The following ZNF525 variants were observed in gnomAD, a reference collection of about 807,000 sequenced individuals.
The protein encoded by ZNF525 is zinc finger protein 525.
Under a neutral mutation model 37.6 loss-of-function variants are expected in ZNF525, and 33 were observed. The observed-to-expected ratio is 0.88, with a 90% CI of 0.67 to 1.17. The LOEUF (loss-of-function observed/expected upper bound fraction) is 1.17. ZNF525 is among the 50% of genes most tolerant of loss of function. ZNF525 has a pLI of 0.00. For synonymous variants in ZNF525, 170 were observed against 182.3 expected (o/e 0.93, Z 0.54); for missense variants, 449 against 543.1 (o/e 0.83, Z 1.72).
In ZNF525 at chr19:53,383,654, C is replaced by T. The variant is rs1347179816; in HGVS notation, c.*1635C>T. ...CCGTAGTGTAGGGAAACTTGACTAA[C>T]GTAATGATTCTCACAACGTCTTCAG... On this transcript the variant is annotated 3_prime_UTR_variant, in exon 4 of 4. Transcript: ENST00000474037. The T allele has an allele frequency of 3.8e-5, 35 of 916,080 alleles. No individual in the cohort carries two copies. Among genetic ancestry groups the T allele is most frequent in the South Asian group, 1.8e-4 (12 of 65,960 alleles). The allele number at this position is 916,080 out of a possible 1,614,324, so 56.7% of individuals were successfully genotyped here.
rs11878896 is a variant in ZNF525, at chr19:53,366,220, C to T, written c.-68+461C>T. Among the ~76,000 whole-genome samples, 524 of 115,440 alleles carry T rather than the reference C, an allele frequency of 4.5e-3. 36 individuals are homozygous for T. Among genetic ancestry groups the T allele is most frequent in the African/African-American group, 0.012 (494 of 40,218 alleles). The allele number at this position is 115,440 out of a possible 152,430, so 75.7% of individuals were successfully genotyped here. A position where few individuals can be genotyped will look rare whatever the true frequency, so the allele number is the denominator to read the frequency against. ...TTAAGGCGCCGTCGCCCCCCACGTC[C>T]CTCCTCATGCCGGGCCCTGCTGCTC... On this transcript the variant is annotated intron_variant, in intron 1 of 3. Coordinates refer to ENST00000474037, the MANE Select transcript of ZNF525 (RefSeq NM_001348156.2).
intron 2 of ZNF525, among the ~76,000 whole-genome samples, chr19:53,372,894 AT>A (rs1373933034): frequency 2.0e-5 from 3 of 152,108 alleles, no homozygotes; most frequent in African/African-American, 7.2e-5. Context: ...ATAGCAGGAG[AT>A]TCATTAATCC....
chr19:53,386,281 CAA>C lies in ZNF525; in HGVS notation c.*4265_*4266del. On this transcript the variant is annotated 3_prime_UTR_variant, in exon 4 of 4. Transcript: ENST00000474037. ...GATTAAGCGATTCCTGGCCAAGAAA[CAA>C]AAGCAAAACCATCCCACTCCCCTGT... The C allele has an allele frequency of 1.4e-6, 1 of 690,014 alleles. No homozygotes were observed. The highest frequency in any genetic ancestry group is 1.4e-5 in the South Asian group (1 of 73,946). 42.7% of individuals were successfully genotyped at this position (690,014 alleles called of 1,614,324 possible).
At chr19:53,375,120 T>C (rs2085512399) in intron 2 of ZNF525, among the ~76,000 whole-genome samples, 1 of 152,016 alleles carries the variant, frequency 6.6e-6, no homozygotes. Flanking sequence ...TTCTGCCTAC[T>C]GGGATCAAGC....
Position 53,383,053 on chromosome 19 carries a change from T to C in ZNF525, c.*1034T>C. The C allele has an allele frequency of 6.9e-7, 1 of 1,442,268 alleles. No individual in the cohort carries two copies. The highest frequency in any genetic ancestry group is 9.7e-7 in the Non-Finnish European group (1 of 1,034,120). 89.3% of individuals were successfully genotyped at this position (1,442,268 alleles called of 1,614,324 possible). On this transcript the variant is annotated 3_prime_UTR_variant, in exon 4 of 4. Coordinates refer to ENST00000474037, the MANE Select transcript of ZNF525 (RefSeq NM_001348156.2). ...TTGCATGTCATCATAGACTTCATACTGGAGAGAACGCTTGCAAGTGTAATA... is the reference window on the plus strand; with the variant it reads ...TTGCATGTCATCATAGACTTCATACCGGAGAGAACGCTTGCAAGTGTAATA...
At chr19:53,366,307 T>G (rs79743466) in intron 1 of ZNF525, among the ~76,000 whole-genome samples, 3,816 of 78,400 alleles carry the variant, frequency 0.049, 403 homozygotes, top group Non-Finnish European at 0.092. Flanking sequence ...GGTGCCCGGG[T>G]TCTGTCCTGT....
At chr19:53,366,195 T>C (rs77747485) in intron 1 of ZNF525, among the ~76,000 whole-genome samples, 20,245 of 96,036 alleles carry the variant, frequency 0.21, 3,823 homozygotes, top group Non-Finnish European at 0.35. Flanking sequence ...CACCCTTGTC[T>C]TAAGGCGCCG....
In ZNF525 at chr19:53,382,823, G is replaced by A. The variant is rs2085576958; in HGVS notation, c.*804G>A. 1.5e-5 allele frequency: 18 copies of A among 1,231,142 alleles called. No individual in the cohort carries two copies. The South Asian group carries it at 2.2e-4, about 15-fold the overall frequency. The allele number at this position is 1,231,142 out of a possible 1,614,324, so 76.3% of individuals were successfully genotyped here. ...TGCTGGAGAGAAACCTTACAAATGT[G>A]AAGAATGTGATAAAGCTTTCAGATT... is the stretch of plus-strand genomic sequence containing the variant. On this transcript the variant is annotated 3_prime_UTR_variant, in exon 4 of 4. Transcript: ENST00000474037.
chr19:53,386,387 A>G lies in ZNF525; in HGVS notation c.*4368A>G. The G allele has an allele frequency of 2.3e-6, 2 of 864,496 alleles. No homozygotes were observed. Among genetic ancestry groups the G allele is most frequent in the Non-Finnish European group, 3.8e-6 (2 of 524,986 alleles). The allele number at this position is 864,496 out of a possible 1,614,324, so 53.6% of individuals were successfully genotyped here. The stretch of plus-strand genomic sequence containing the variant: ...TGGAGAAGAACCAAGCTGGGTCTAT[A>G]AGGAATTGCATGTGAGATGGCACAC... On this transcript the variant is annotated 3_prime_UTR_variant, in exon 4 of 4. Transcript: ENST00000474037.
In ZNF525 at chr19:53,384,162, A is replaced by G. The variant is rs2085588734; in HGVS notation, c.*2143A>G. On this transcript the variant is annotated 3_prime_UTR_variant, in exon 4 of 4. Coordinates refer to ENST00000474037, the MANE Select transcript of ZNF525 (RefSeq NM_001348156.2). ...TTGAGTTGACTTAACATTGAGTTCAAGCCTTAATTGACATTAAAGTGTTTA... is the reference window on the plus strand; with the variant it reads ...TTGAGTTGACTTAACATTGAGTTCAGGCCTTAATTGACATTAAAGTGTTTA... The G allele has an allele frequency of 7.5e-6, 3 of 399,066 alleles. No individual in the cohort carries two copies. The highest frequency in any genetic ancestry group is 3.5e-5 in the Admixed American group (1 of 28,728). The allele number at this position is 399,066 out of a possible 1,614,324, so 24.7% of individuals were successfully genotyped here. A position where few individuals can be genotyped will look rare whatever the true frequency, so the allele number is the denominator to read the frequency against.
At chr19:53,370,383 C>T (rs2085478886) in intron 1 of ZNF525, among the ~76,000 whole-genome samples, 1 of 145,586 alleles carries the variant, frequency 6.9e-6, no homozygotes, top group African/African-American at 2.6e-5. Context: ...CACTGCTCTC[C>T]AGCCTGGGAG....
chr19:53,384,766 G>A lies in ZNF525; in HGVS notation c.*2747G>A. The A allele has an allele frequency of 2.0e-6, 1 of 500,256 alleles. No individual in the cohort carries two copies. The highest frequency in any genetic ancestry group is 3.5e-6 in the Non-Finnish European group (1 of 282,734). 31.0% of individuals were successfully genotyped at this position (500,256 alleles called of 1,614,324 possible). A position where few individuals can be genotyped will look rare whatever the true frequency, so the allele number is the denominator to read the frequency against. ...AATTTTACTTCTTTCTTTCTGATTTGGATGAGTTTGATTTCTTTTGCTATT... is the reference window on the plus strand; with the variant it reads ...AATTTTACTTCTTTCTTTCTGATTTAGATGAGTTTGATTTCTTTTGCTATT... On this transcript the variant is annotated 3_prime_UTR_variant, in exon 4 of 4. Transcript: ENST00000474037.
At position 53,383,822 on chromosome 19, in the gene ZNF525, G is replaced by A. The variant is rs1437626832; in HGVS notation, c.*1803G>A. 36 of 545,322 alleles carry A rather than the reference G, an allele frequency of 6.6e-5. 1 individual carries two copies. In the Admixed American group the frequency reaches 8.6e-4, roughly 13 times the overall value. The allele number at this position is 545,322 out of a possible 1,614,324, so 33.8% of individuals were successfully genotyped here. A position where few individuals can be genotyped will look rare whatever the true frequency, so the allele number is the denominator to read the frequency against. ...TCATGCTGGAGAGAAATCTTACAAT[G>A]TCATGATTGTGGCAAGGTCTTCAGT... On this transcript the variant is annotated 3_prime_UTR_variant, in exon 4 of 4. Transcript: ENST00000474037.
intron 1 of ZNF525, among the ~76,000 whole-genome samples, chr19:53,367,353 A>C (rs1186767062): frequency 6.6e-6 from 1 of 151,746 alleles, no homozygotes; most frequent in Non-Finnish European, 1.5e-5. Context: ...CTTCCCTTAG[A>C]TGCTTTTTAT....
rs577272167 is a variant in ZNF525, at chr19:53,372,602, C to G, written c.15+306C>G. ...AGCAGGGATTGTTCAGGGGCCACATCTGGATGCACTGTCAGCTCTCTGTGG... is the reference window on the plus strand; with the variant it reads ...AGCAGGGATTGTTCAGGGGCCACATGTGGATGCACTGTCAGCTCTCTGTGG... On this transcript the variant is annotated intron_variant, in intron 2 of 3. Transcript: ENST00000474037. Among the ~76,000 whole-genome samples, 30 of 152,298 alleles carry G rather than the reference C, an allele frequency of 2.0e-4. No homozygotes were observed. The South Asian group carries it at 6.2e-3, about 32-fold the overall frequency.
At chr19:53,373,927 A>G (rs1162451839) in intron 2 of ZNF525, among the ~76,000 whole-genome samples, 1 of 152,072 alleles carries the variant, frequency 6.6e-6, no homozygotes, top group African/African-American at 2.4e-5. Flanking sequence ...TTGTTGTACA[A>G]ATTATTTCAT....
Position 53,382,845 on chromosome 19 carries a change from G to A in ZNF525, c.*826G>A. 7.6e-7 allele frequency: 1 copy of A among 1,308,754 alleles called. No homozygotes were observed. The highest frequency in any genetic ancestry group is 1.1e-6 in the Non-Finnish European group (1 of 915,398). The allele number at this position is 1,308,754 out of a possible 1,614,324, so 81.1% of individuals were successfully genotyped here. A position where few individuals can be genotyped will look rare whatever the true frequency, so the allele number is the denominator to read the frequency against. The stretch of plus-strand genomic sequence containing the variant: ...TGTGAAGAATGTGATAAAGCTTTCA[G>A]ATTCAAATCAAACCTTGAAAGTCAT... On this transcript the variant is annotated 3_prime_UTR_variant, in exon 4 of 4. Coordinates refer to ENST00000474037, the MANE Select transcript of ZNF525 (RefSeq NM_001348156.2).
intron 1 of ZNF525, among the ~76,000 whole-genome samples, chr19:53,366,404 T>C (rs1345619792): frequency 6.6e-6 from 1 of 151,144 alleles, no homozygotes; most frequent in Admixed American, 6.6e-5. Flanking sequence ...AACCCTCCTG[T>C]GATTGTGTGG....
intron 3 of ZNF525, 139 bp downstream of exon 3, chr19:53,376,035 A>G: frequency 1.3e-6 from 2 of 1,541,732 alleles, no homozygotes; most frequent in Non-Finnish European, 1.7e-6. Flanking sequence ...GCAATCTTGA[A>G]TTCCTGGGCT....
Sources: allele counts gnomAD v4.1 joint callset (sites outside exome capture counted in the v4.1 genomes callset), GRCh38; gene constraint gnomAD v4.1.1; transcripts MANE v1.5; gene names NCBI Gene and HGNC (gene_info 2026-07-23, HGNC 2026-07-21).